The following USP2 variants were observed in gnomAD, a reference collection of about 807,000 sequenced individuals.
The protein encoded by USP2 is ubiquitin specific peptidase 2.
In USP2, 33 loss-of-function variants were observed where a neutral mutation model predicts 72.0. The observed-to-expected ratio is 0.46, with a 90% CI of 0.35 to 0.61. The LOEUF (loss-of-function observed/expected upper bound fraction) is 0.61, where lower values mean the gene tolerates loss of function less well. Ranked by LOEUF, USP2 falls within the 20% of genes least tolerant of loss-of-function variation. The probability of loss-of-function intolerance (pLI) is 0.01; values close to 1 mark genes in which losing one functional copy is unlikely to be tolerated. For synonymous variants in USP2, 296 were observed against 312.5 expected (o/e 0.95, Z 0.56); for missense variants, 691 against 797.8 (o/e 0.87, Z 1.61).
Position 119,358,766 on chromosome 11 carries a change from C to T in USP2, c.1237+7G>A, listed in dbSNP as rs769995020. ...GAAAACAGGCATCTTCCCTTTCATG[C>T]GCTTACCCCCGATCCTACTGTCTTC... On this transcript the variant is annotated splice_region_variant and intron_variant, in intron 7 of 12. Transcript: ENST00000260187. 29 of 1,613,952 alleles carry T rather than the reference C, an allele frequency of 1.8e-5. No homozygotes were observed. Among genetic ancestry groups the T allele is most frequent in the South Asian group, 5.5e-5 (5 of 91,086 alleles).
chr11:119,359,148 A>G lies in USP2; in HGVS notation c.1062-14T>C. 6.2e-7 allele frequency: 1 copy of G among 1,613,800 alleles called. No individual in the cohort carries two copies. Among genetic ancestry groups the G allele is most frequent in the Non-Finnish European group, 8.5e-7 (1 of 1,179,834 alleles). On this transcript the variant is annotated splice_polypyrimidine_tract_variant and intron_variant, in intron 5 of 12. Coordinates refer to ENST00000260187, the MANE Select transcript of USP2 (RefSeq NM_004205.5). ...GCATCCTGCTGACTGAACCCAAAGG[A>G]AGGAGGGTGAGCAACACCTCTTGTC...
In USP2 at chr11:119,373,265, C is replaced by CAGGAGGG; in HGVS notation, c.209_215dup (p.Asp73ProfsTer5). 6.2e-7 allele frequency: 1 copy of CAGGAGGG among 1,613,880 alleles called. No individual in the cohort carries two copies. Among genetic ancestry groups the CAGGAGGG allele is most frequent in the Non-Finnish European group, 8.5e-7 (1 of 1,179,872 alleles). On this transcript the variant is annotated frameshift_variant, in exon 2 of 13. Transcript: ENST00000260187. LOFTEE classifies it high-confidence loss of function. ...GCAGGGGGCGGCCCCGGTCATAGTC[C>CAGGAGGG]AGGAGGGAGGAGGGGCCATAGGTAC...
At chr11:119,357,090 G>T (rs1313109849) in intron 12 of USP2, 97 bp downstream of exon 12, 1 of 1,281,078 alleles carries the variant, frequency 7.8e-7, no homozygotes. Flanking sequence ...TAAGCCGTGC[G>T]GGGGGTGGGA....
At chr11:119,378,913 G>C (rs1951031341) in intron 1 of USP2, 1 of 930,150 alleles carries the variant, frequency 1.1e-6, no homozygotes, top group Admixed American at 6.2e-5. Context: ...GGGCCCAATG[G>C]GGTGGCCTCT....
chr11:119,359,117 TC>T lies in USP2; in HGVS notation c.1078del (p.Glu360SerfsTer14). ...FVGYNQQDAQ[E>X]FLRFLLDGLH... ...CCCATCCAGAAGAAAGCGAAGGAAC[TC>T]CTGAGCATCCTGCTGACTGAACCCA... On this transcript the variant is annotated frameshift_variant, in exon 6 of 13. Coordinates refer to ENST00000260187, the MANE Select transcript of USP2 (RefSeq NM_004205.5). LOFTEE classifies it high-confidence loss of function. 1 of 1,614,050 alleles carries T rather than the reference TC, an allele frequency of 6.2e-7. No homozygotes were observed.
rs1179288186 is a variant in USP2 at position 119,364,351 on chromosome 11, C to T, written c.775-4117G>A. The T allele has an allele frequency of 2.5e-5, 6 of 240,566 alleles. No individual in the cohort carries two copies. The East Asian group carries it at 1.1e-3, about 44-fold the overall frequency. The allele number at this position is 240,566 out of a possible 1,614,324, so 14.9% of individuals were successfully genotyped here. On this transcript the variant is annotated intron_variant, in intron 2 of 12. Transcript: ENST00000260187. The stretch of plus-strand genomic sequence containing the variant: ...AGGCGACAAGGTCGGTCCTCCCCCG[C>T]CGGGCCTTCCCCGCGCTCCCCGGCG...
intron 2 of USP2, chr11:119,364,053 G>T: frequency 7.8e-7 from 1 of 1,274,466 alleles, no homozygotes; most frequent in East Asian, 3.2e-5. Context: ...GGGGGCGCGG[G>T]GGGAGTCCCC....
intron 1 of USP2, chr11:119,376,164 C>G (rs772216795): frequency 4.0e-5 from 39 of 985,216 alleles, no homozygotes; most frequent in Non-Finnish European, 4.7e-5. Flanking sequence ...GTTTCACTCT[C>G]AAAGGTCCTA....
chr11:119,357,009 G>A (rs980376560), intron 12 of USP2, 87 bp from the exon 13 acceptor site: 2 of 1,501,312 alleles, frequency 1.3e-6, no homozygotes, highest in South Asian at 2.4e-5. Context: ...AGGCCGGCCG[G>A]CCTGCCTTTC....
At chr11:119,363,883 G>C in intron 2 of USP2, 1 of 1,368,700 alleles carries the variant, frequency 7.3e-7, no homozygotes, top group Non-Finnish European at 9.5e-7. Flanking sequence ...CACGAAGGTG[G>C]AGAGCAGCAG....
chr11:119,371,418 C>G (rs1208526522), intron 2 of USP2, among the ~76,000 whole-genome samples: 1 of 152,164 alleles, frequency 6.6e-6, no homozygotes, highest in Non-Finnish European at 1.5e-5. Context: ...TGACACATCT[C>G]TCTTCTCCAC....
Position 119,356,939 on chromosome 11 carries a change from G to T in USP2, c.1731-17C>A. 1.3e-6 allele frequency: 2 copies of T among 1,552,094 alleles called. No individual in the cohort carries two copies. The highest frequency in any genetic ancestry group is 1.2e-5 in the South Asian group (1 of 84,212). On this transcript the variant is annotated splice_polypyrimidine_tract_variant and intron_variant, in intron 12 of 12. Transcript: ENST00000260187. ...GGAGTGACGCTGCGGAGAGAGCGGG[G>T]AGTCAGCCCGGAGCGGGCAGGACCG...
intron 1 of USP2, chr11:119,379,372 TG>T (rs1415513417): frequency 6.3e-6 from 3 of 477,334 alleles, no homozygotes; most frequent in African/African-American, 4.8e-5. Flanking sequence ...CACAGAGGGG[TG>T]GGGGTGGAAC....
At chr11:119,372,013 G>A (rs958220838) in intron 2 of USP2, among the ~76,000 whole-genome samples, 20 of 152,194 alleles carry the variant, frequency 1.3e-4, no homozygotes, top group Admixed American at 9.2e-4. Flanking sequence ...GGCATTAGTT[G>A]GCGAGCGAGC....
chr11:119,360,067 C>A, intron 3 of USP2, 117 bp downstream of exon 3: 1 of 1,305,458 alleles, frequency 7.7e-7, no homozygotes, highest in Non-Finnish European at 1.1e-6. Context: ...AGGGCAAGTG[C>A]CAACTGGCTG....
Position 119,381,553 on chromosome 11 carries a change from G to A in USP2, c.-122C>T, listed in dbSNP as rs1951058883. On this transcript the variant is annotated 5_prime_UTR_variant, in exon 1 of 13. Transcript: ENST00000260187. ...GTGAGTCCCGGCTGGCGCTGGCGCG[G>A]CGCAGTGAGCACCAGCTGACGAAGA... 2 of 1,536,020 alleles carry A rather than the reference G, an allele frequency of 1.3e-6. No individual in the cohort carries two copies. Among genetic ancestry groups the A allele is most frequent in the South Asian group, 1.2e-5 (1 of 84,050 alleles).
rs765196107 is a variant in USP2, at chr11:119,373,221, C to T, written c.260G>A (p.Gly87Glu). Residue 87 changes from glycine to glutamate, a missense_variant, in exon 2 of 13, where the codon GGG (glycine) becomes GAG (glutamate). Transcript: ENST00000260187. ...GRPLLRPDIT[G>E]GGKRAESQTR... ...CTGGCTCTCTGCCCGCTTACCACCC[C>T]CAGTGATGTCGGGTCTCAGCAGGGG... The T allele has an allele frequency of 1.9e-6, 3 of 1,613,926 alleles. No homozygotes were observed. Among genetic ancestry groups the T allele is most frequent in the Admixed American group, 1.7e-5 (1 of 59,998 alleles).
Position 119,356,691 on chromosome 11 carries a change from G to A in USP2, c.*144C>T. 1 of 811,072 alleles carries A rather than the reference G, an allele frequency of 1.2e-6. No homozygotes were observed. The allele number at this position is 811,072 out of a possible 1,614,324, so 50.2% of individuals were successfully genotyped here. A position where few individuals can be genotyped will look rare whatever the true frequency, so the allele number is the denominator to read the frequency against. On this transcript the variant is annotated 3_prime_UTR_variant, in exon 13 of 13. Coordinates refer to ENST00000260187, the MANE Select transcript of USP2 (RefSeq NM_004205.5). ...CCTTGCTCCAGACCCTGATCAGGCT[G>A]CATCCACTCCTGCTCGGCAGCTTCA...
chr11:119,360,319 T>C, intron 2 of USP2, 85 bp from the exon 3 acceptor site: 1 of 1,398,820 alleles, frequency 7.1e-7, no homozygotes, highest in Non-Finnish European at 1.0e-6. Flanking sequence ...TCTAACCAGC[T>C]GGAGCCACAG....
Sources: gnomAD v4.1 joint callset for allele counts (sites outside exome capture counted in the v4.1 genomes callset) on GRCh38, gnomAD v4.1.1 for gene constraint, MANE v1.5 for transcripts, NCBI Gene and HGNC (gene_info 2026-07-23, HGNC 2026-07-21) for gene names.